PPP1R9A: variants seen among roughly 807,000 people sequenced by gnomAD.
PPP1R9A encodes neurabin-1.
A neutral mutation model predicts 141.9 loss-of-function variants in PPP1R9A; 59 were observed. The ratio of observed to expected loss-of-function variants is 0.42; its 90% CI spans 0.34 to 0.52. The LOEUF (loss-of-function observed/expected upper bound fraction) is 0.52, where lower values mean the gene tolerates loss of function less well. Among genes scored for constraint, PPP1R9A ranks in the 20% least tolerant of loss-of-function variants. The probability of loss-of-function intolerance (pLI) is 0.10; values close to 1 mark genes in which losing one functional copy is unlikely to be tolerated. For synonymous variants in PPP1R9A, 500 were observed against 569.7 expected (o/e 0.88, Z 1.74); for missense variants, 1,444 against 1,611.9 (o/e 0.90, Z 1.78).
intron 2 of PPP1R9A, among the ~76,000 whole-genome samples, chr7:94,943,528 A>C (rs1795563879): frequency 1.3e-5 from 2 of 152,224 alleles, no homozygotes; most frequent in Admixed American, 1.3e-4. Flanking sequence ...AACTTTGATT[A>C]GGTCTGTTAC....
chr7:95,109,096 A>C (rs1584732413), intron 2 of PPP1R9A, among the ~76,000 whole-genome samples: 1 of 152,296 alleles, frequency 6.6e-6, no homozygotes, highest in Admixed American at 6.5e-5. Context: ...AGTACACTCA[A>C]CTATCAATGT....
At chr7:95,120,633 A>G (rs1483555038) in intron 3 of PPP1R9A, 79 bp from the exon 4 acceptor site, 1 of 1,455,546 alleles carries the variant, frequency 6.9e-7, no homozygotes, top group Non-Finnish European at 9.4e-7. Flanking sequence ...TAGAAACAGC[A>G]AGTAGGTCTC....
chr7:95,009,990 T>G (rs1312459847), intron 2 of PPP1R9A, among the ~76,000 whole-genome samples: 3 of 152,186 alleles, frequency 2.0e-5, no homozygotes, highest in African/African-American at 7.2e-5. Context: ...TAAGAGCCTT[T>G]CCATGCTAGA....
At position 94,910,537 on chromosome 7, in the gene PPP1R9A, A is replaced by G; in HGVS notation, c.424A>G (p.Thr142Ala). 1 of 1,614,162 alleles carries G rather than the reference A, an allele frequency of 6.2e-7. No homozygotes were observed. The highest frequency in any genetic ancestry group is 8.5e-7 in the Non-Finnish European group (1 of 1,180,040). Reference protein sequence around the residue: ...DGPSYSKFTETRKMFERSVHE... With the variant: ...DGPSYSKFTEARKMFERSVHE... Reference sequence around the variant, plus strand: ...CCCTTCATATTCCAAGTTCACTGAGACTCGAAAGATGTTTGAGAGAAGTGT... The same window carrying G: ...CCCTTCATATTCCAAGTTCACTGAGGCTCGAAAGATGTTTGAGAGAAGTGT... Residue 142 changes from threonine to alanine, a missense_variant, in exon 2 of 20, where the codon ACT (threonine) becomes GCT (alanine). Thr to Ala is a moderately conservative substitution (Grantham distance 58). Coordinates refer to ENST00000433360, the MANE Select transcript of PPP1R9A (RefSeq NM_001166160.2). The surrounding 1 kb of genome is among the most constrained non-coding windows in gnomAD (Gnocchi z 4.5).
chr7:95,052,835 T>G (rs1431543168), intron 2 of PPP1R9A, among the ~76,000 whole-genome samples: 1 of 152,230 alleles, frequency 6.6e-6, no homozygotes, highest in African/African-American at 2.4e-5. Context: ...CCTCACCTTA[T>G]GTGTCCGGTC....
At chr7:95,186,256 T>C (rs1300224771) in intron 5 of PPP1R9A, among the ~76,000 whole-genome samples, 1 of 152,050 alleles carries the variant, frequency 6.6e-6, no homozygotes, top group Non-Finnish European at 1.5e-5. Flanking sequence ...CCTAAATATT[T>C]TTTTAGGAGG....
At chr7:95,079,611 C>T (rs1225113919) in intron 2 of PPP1R9A, among the ~76,000 whole-genome samples, 5 of 151,936 alleles carry the variant, frequency 3.3e-5, no homozygotes, top group Non-Finnish European at 7.4e-5. Flanking sequence ...CATCCTGATA[C>T]CAAAGCCGGG....
chr7:95,134,621 G>C (rs1253151617), intron 4 of PPP1R9A, among the ~76,000 whole-genome samples: 1 of 152,082 alleles, frequency 6.6e-6, no homozygotes, highest in Non-Finnish European at 1.5e-5. Context: ...TTTTAATAGA[G>C]ATGGGGTTTC....
chr7:95,231,300 GA>G (rs1795896547), intron 8 of PPP1R9A, among the ~76,000 whole-genome samples: 1 of 152,066 alleles, frequency 6.6e-6, no homozygotes, highest in African/African-American at 2.4e-5. Flanking sequence ...AATAGTGGGG[GA>G]CTTTCATACT....
At position 94,910,236 on chromosome 7, in the gene PPP1R9A, G is replaced by A. The variant is rs377357757; in HGVS notation, c.123G>A (p.Gly41=). 1.9e-5 allele frequency: 31 copies of A among 1,613,946 alleles called. No homozygotes were observed. The African/African-American group carries it at 4.0e-4, about 21-fold the overall frequency. ...KSTFDKPKSD[G]EQKTKEGEGS... ...CCTTTGACAAACCCAAGTCAGATGG[G>A]GAACAAAAAACAAAAGAAGGTGAGG... Residue 41 remains glycine (G), a synonymous_variant, in exon 2 of 20, where the codon GGG becomes GGA. Coordinates refer to ENST00000433360, the MANE Select transcript of PPP1R9A (RefSeq NM_001166160.2). This position sits in a 1 kb window ranked among gnomAD's most constrained non-coding sequence, Gnocchi z 4.5.
intron 4 of PPP1R9A, among the ~76,000 whole-genome samples, chr7:95,153,041 A>G (rs1828994983): frequency 6.6e-6 from 1 of 151,816 alleles, no homozygotes; most frequent in Non-Finnish European, 1.5e-5. Context: ...ATAGAGGTAG[A>G]GTTTCACCAT....
At chr7:95,085,046 C>T (rs1262709614) in intron 2 of PPP1R9A, among the ~76,000 whole-genome samples, 1 of 151,950 alleles carries the variant, frequency 6.6e-6, no homozygotes, top group East Asian at 1.9e-4. Flanking sequence ...TTACTAGTTC[C>T]TGTTTTTCCA....
intron 2 of PPP1R9A, among the ~76,000 whole-genome samples, chr7:94,991,887 A>G (rs1003649283): frequency 5.9e-5 from 9 of 152,154 alleles, no homozygotes; most frequent in African/African-American, 2.2e-4. Context: ...CCTGAGCTCA[A>G]ACGATCCACC....
chr7:94,996,644 A>C (rs1006339500), intron 2 of PPP1R9A, among the ~76,000 whole-genome samples: 2 of 152,116 alleles, frequency 1.3e-5, no homozygotes, highest in Non-Finnish European at 2.9e-5. Context: ...TCTTGGATTC[A>C]AAGTACACAT....
chr7:95,208,685 C>T (rs926931171), intron 7 of PPP1R9A, among the ~76,000 whole-genome samples: 3 of 151,466 alleles, frequency 2.0e-5, no homozygotes, highest in Admixed American at 6.6e-5. Context: ...GATCACACCA[C>T]GGCACTCCAT....
At chr7:95,287,203 A>G in intron 18 of PPP1R9A, 1 of 1,538,578 alleles carries the variant, frequency 6.5e-7, no homozygotes. Flanking sequence ...CGCTCTTTGG[A>G]GATGACTGAA....
intron 4 of PPP1R9A, among the ~76,000 whole-genome samples, chr7:95,132,893 C>G (rs2152534078): frequency 6.6e-6 from 1 of 152,292 alleles, no homozygotes; most frequent in East Asian, 1.9e-4. Flanking sequence ...GCTGTTACAG[C>G]TCTCACCCAG....
chr7:95,028,060 C>G (rs1052158240), intron 2 of PPP1R9A, among the ~76,000 whole-genome samples: 1 of 152,114 alleles, frequency 6.6e-6, no homozygotes, highest in Non-Finnish European at 1.5e-5. Context: ...TTCAGCCTCA[C>G]TTTTCTCAAC....
At chr7:95,241,472 A>G (rs962582737) in intron 8 of PPP1R9A, among the ~76,000 whole-genome samples, 11 of 152,152 alleles carry the variant, frequency 7.2e-5, no homozygotes, top group Admixed American at 2.0e-4. Flanking sequence ...TGACTCTTTT[A>G]TATTCTATGA....
Sources: gnomAD v4.1 joint callset for allele counts (sites outside exome capture counted in the v4.1 genomes callset) on GRCh38, gnomAD v4.1.1 for gene constraint, Gnocchi (gnomAD v3.1) non-coding constraint, MANE v1.5 for transcripts, NCBI Gene and HGNC (gene_info 2026-07-23, HGNC 2026-07-21) for gene names.